The following WWOX variants were observed in gnomAD, a reference collection of about 807,000 sequenced individuals.
WWOX encodes the protein WW domain containing oxidoreductase.
Under a neutral mutation model 46.2 loss-of-function variants are expected in WWOX, and 69 were observed. The observed-to-expected ratio is 1.49, with a 90% confidence interval of 1.23 to 1.82. WWOX has a LOEUF of 1.82. Ranked by LOEUF, WWOX falls within the 40% of genes most tolerant of loss-of-function variation. The pLI, the probability that WWOX is intolerant of heterozygous loss-of-function variation, is 0.00. For synonymous variants in WWOX, 359 were observed against 202.6 expected (o/e 1.77, Z -6.56); for missense variants, 919 against 542.6 (o/e 1.69, Z -6.89).
intron 8 of WWOX, among the ~76,000 whole-genome samples, chr16:78,938,929 G>T (rs763570227): frequency 1.5e-4 from 23 of 152,274 alleles, no homozygotes; most frequent in Non-Finnish European, 2.9e-4. Flanking sequence ...GGGGAATGCT[G>T]GCTTAGCACA....
intron 5 of WWOX, among the ~76,000 whole-genome samples, chr16:78,314,944 G>A (rs1310047504): frequency 1.3e-5 from 2 of 152,026 alleles, no homozygotes; most frequent in Non-Finnish European, 2.9e-5. Flanking sequence ...TAACACATGG[G>A]ATGGGAATTC....
chr16:78,191,755 T>C (rs1427010685), intron 5 of WWOX, among the ~76,000 whole-genome samples: 1 of 152,164 alleles, frequency 6.6e-6, no homozygotes, highest in African/African-American at 2.4e-5. Flanking sequence ...GAGAATGGCA[T>C]TGCAGAGTGG....
chr16:78,450,010 T>G (rs1207621725), intron 8 of WWOX, among the ~76,000 whole-genome samples: 1 of 151,590 alleles, frequency 6.6e-6, no homozygotes, highest in East Asian at 2.0e-4. Flanking sequence ...TTGTTATGAT[T>G]TTTTTTAAGC....
At position 78,624,224 on chromosome 16, in the gene WWOX, G is replaced by A. The variant is rs79730882; in HGVS notation, c.1056+191472G>A. On this transcript the variant is annotated intron_variant, in intron 8 of 8. Transcript: ENST00000566780. ...TTCTAATCTTTTTTTTTTTTTTTTC[G>A]TGGAATCATGTTCCCTTCGGAAAAC... Among the ~76,000 whole-genome samples, 14 of 117,466 alleles carry A rather than the reference G, an allele frequency of 1.2e-4. No individual in the cohort carries two copies. The South Asian group carries it at 2.8e-3, about 24-fold the overall frequency. 77.1% of individuals were successfully genotyped at this position (117,466 alleles called of 152,430 possible). A position where few individuals can be genotyped will look rare whatever the true frequency, so the allele number is the denominator to read the frequency against.
chr16:78,417,508 C>G (rs1257449507), intron 6 of WWOX, among the ~76,000 whole-genome samples: 1 of 151,878 alleles, frequency 6.6e-6, no homozygotes, highest in East Asian at 1.9e-4. Flanking sequence ...ATAGTTAGTA[C>G]TCAAAAAAGG....
intron 5 of WWOX, among the ~76,000 whole-genome samples, chr16:78,271,537 A>G (rs2079478241): frequency 6.6e-6 from 1 of 152,234 alleles, no homozygotes; most frequent in African/African-American, 2.4e-5. Flanking sequence ...GGATGTAGGC[A>G]GGGAGCCTAT....
At chr16:79,122,580 CTCTTTCTCCGTCTT>C (rs919724940) in intron 8 of WWOX, among the ~76,000 whole-genome samples, 4 of 151,410 alleles carry the variant, frequency 2.6e-5, no homozygotes, top group African/African-American at 9.7e-5. Flanking sequence ...CTTTCCCTCT[CTCTTTCTCCGTCTT>C]TCTTTCCTCC....
chr16:78,775,909 C>G (rs2050179237), intron 8 of WWOX, among the ~76,000 whole-genome samples: 2 of 152,136 alleles, frequency 1.3e-5, no homozygotes, highest in South Asian at 4.1e-4. Context: ...AGCTTGAATC[C>G]TTCAAAGACA....
intron 8 of WWOX, among the ~76,000 whole-genome samples, chr16:78,693,995 G>A (rs1040670019): frequency 7.9e-5 from 12 of 152,126 alleles, no homozygotes; most frequent in African/African-American, 2.9e-4. Context: ...CACTTTAGGA[G>A]GCCGAGGCAG....
chr16:78,833,885 C>T (rs141493134), intron 8 of WWOX, among the ~76,000 whole-genome samples: 7 of 152,260 alleles, frequency 4.6e-5, no homozygotes, highest in South Asian at 4.1e-4. Context: ...TGGTACCATA[C>T]AGGCACTTTG....
intron 8 of WWOX, among the ~76,000 whole-genome samples, chr16:78,465,489 G>C (rs1004992216): frequency 1.3e-5 from 2 of 152,116 alleles, no homozygotes; most frequent in Non-Finnish European, 2.9e-5. Flanking sequence ...CTGGGGGAGG[G>C]TTTGTTAAAG....
At chr16:79,127,349 T>C (rs966275328) in intron 8 of WWOX, among the ~76,000 whole-genome samples, 5 of 152,198 alleles carry the variant, frequency 3.3e-5, no homozygotes, top group East Asian at 3.9e-4. Flanking sequence ...TTGTATATTC[T>C]TCTGCCCTCC....
At chr16:78,754,869 C>T (rs1281955134) in intron 8 of WWOX, among the ~76,000 whole-genome samples, 1 of 152,150 alleles carries the variant, frequency 6.6e-6, no homozygotes, top group Non-Finnish European at 1.5e-5. Flanking sequence ...AACTTACTCA[C>T]AGTCTGTGCT....
In WWOX at chr16:78,687,542, C is replaced by T. The variant is rs188586867; in HGVS notation, c.1056+254790C>T. On this transcript the variant is annotated intron_variant, in intron 8 of 8. Transcript: ENST00000566780. ...TCTGCCTTGCCATTCTATGTTTTATCGGAATACGCAGACATATACTTTATG... is the reference window on the plus strand; with the variant it reads ...TCTGCCTTGCCATTCTATGTTTTATTGGAATACGCAGACATATACTTTATG... Among the ~76,000 whole-genome samples, 28 of 152,182 alleles carry T rather than the reference C, an allele frequency of 1.8e-4. No homozygotes were observed. The South Asian group carries it at 2.5e-3, about 14-fold the overall frequency.
intron 4 of WWOX, among the ~76,000 whole-genome samples, chr16:78,156,653 G>A (rs987333335): frequency 4.6e-5 from 7 of 152,184 alleles, no homozygotes; most frequent in African/African-American, 1.4e-4. Flanking sequence ...ACTGGGTGTG[G>A]TGGCTCACGC....
At chr16:78,623,563 C>G (rs1197462931) in intron 8 of WWOX, among the ~76,000 whole-genome samples, 2 of 151,744 alleles carry the variant, frequency 1.3e-5, no homozygotes, top group South Asian at 2.1e-4. Context: ...GCTTGTAGTC[C>G]CAGCGACTTG....
chr16:78,506,389 C>T (rs985941768), intron 8 of WWOX: 1 of 152,218 alleles, frequency 6.6e-6, no homozygotes, highest in Non-Finnish European at 1.5e-5. Flanking sequence ...CATTTTTACC[C>T]AAGACAGAGA....
chr16:78,560,451 T>G (rs2044408962), intron 8 of WWOX, among the ~76,000 whole-genome samples: 1 of 152,148 alleles, frequency 6.6e-6, no homozygotes. Context: ...AAAACCAGCC[T>G]GGCCAACATG....
chr16:78,493,153 G>C (rs575029294), intron 8 of WWOX, among the ~76,000 whole-genome samples: 30 of 152,150 alleles, frequency 2.0e-4, no homozygotes, highest in Non-Finnish European at 3.4e-4. Flanking sequence ...CTGGGAGAAG[G>C]CTCGAAAAAC....
Sources: gnomAD v4.1 joint callset for allele counts (sites outside exome capture counted in the v4.1 genomes callset) on GRCh38, gnomAD v4.1.1 for gene constraint, MANE v1.5 for transcripts, NCBI Gene and HGNC (gene_info 2026-07-23, HGNC 2026-07-21) for gene names.